Variants in ATG9A observed in about 807,000 individuals in gnomAD.
ATG9A encodes autophagy related 9A, also known as autophagy-related protein 9A.
In ATG9A, 21 loss-of-function variants were observed where a neutral mutation model predicts 87.1. The ratio of observed to expected loss-of-function variants is 0.24; its 90% CI spans 0.17 to 0.35. The LOEUF (loss-of-function observed/expected upper bound fraction) is 0.35. Ranked by LOEUF, ATG9A falls within the 10% of genes least tolerant of loss-of-function variation. ATG9A has a pLI of 1.00. For synonymous variants in ATG9A, 422 were observed against 441.3 expected, an observed-to-expected ratio of 0.96 and a Z score of 0.55; for missense variants, 836 against 1,107.3, an observed-to-expected ratio of 0.76 and a Z score of 3.48.
In ATG9A at chr2:219,224,731, G is replaced by A. The variant is rs1950826932; in HGVS notation, c.640C>T (p.Arg214Cys). ...TELDIYHRIL[R>C]FQNYMVALVN... Reference sequence around the variant, plus strand: ...AGTGCCACCATGTAGTTCTGGAAACGGAGGATGCGGTGGTAGATGTCCAGT... The same window carrying A: ...AGTGCCACCATGTAGTTCTGGAAACAGAGGATGCGGTGGTAGATGTCCAGT... Residue 214 changes from arginine (R) to cysteine (C), a missense_variant, in exon 8 of 16, where the codon CGT (arginine) becomes TGT (cysteine). Physicochemically the swap from Arg to Cys is radical, Grantham distance 180. This residue lies in a region of ATG9A where 512 missense variants were observed against 759.6 expected (regional missense o/e 0.67). Transcript: ENST00000361242. This position sits in a 1 kb window ranked among gnomAD's most constrained non-coding sequence, Gnocchi z 7.7. 4 of 1,614,136 alleles carry A rather than the reference G, an allele frequency of 2.5e-6. No individual in the cohort carries two copies. The highest frequency in any genetic ancestry group is 3.4e-6 in the Non-Finnish European group (4 of 1,180,054).
rs1376952111 is a variant in ATG9A at position 219,224,852 on chromosome 2, A to C, written c.519T>G (p.Ser173=). Residue 173 remains serine (S), a splice_region_variant and synonymous_variant, in exon 8 of 16, where the codon TCT becomes TCG. Transcript: ENST00000361242. This position sits in a 1 kb window ranked among gnomAD's most constrained non-coding sequence, Gnocchi z 7.7. ...CTTGCCACGTGCAATACGGAAGGGC[A>C]GACTGCGGGGTGGGGTGGGGAAGAG... The part of the protein sequence containing the change: ...FYLHALRIPM[S]ALPYCTWQEV... 6.4e-7 allele frequency: 1 copy of C among 1,552,854 alleles called. No homozygotes were observed. The highest frequency in any genetic ancestry group is 8.7e-7 in the Non-Finnish European group (1 of 1,147,280).
At chr2:219,228,133 G>T (rs1574835922) in intron 2 of ATG9A, 80 bp from the exon 3 acceptor site, 1 of 971,150 alleles carries the variant, frequency 1.0e-6, no homozygotes, top group Non-Finnish European at 1.5e-6. Context: ...GCCAAAAGGA[G>T]AAAGTACCCT....
At chr2:219,221,505 T>A (rs1950758449) in intron 13 of ATG9A, among the ~76,000 whole-genome samples, 1 of 152,146 alleles carries the variant, frequency 6.6e-6, no homozygotes, top group African/African-American at 2.4e-5. Flanking sequence ...GAAGCCTGTG[T>A]TGTAATGGCC....
Position 219,223,235 on chromosome 2 carries a change from C to T in ATG9A, c.1600-342G>A, listed in dbSNP as rs1950798939. On this transcript the variant is annotated intron_variant, in intron 10 of 15. Coordinates refer to ENST00000361242, the MANE Select transcript of ATG9A (RefSeq NM_001077198.3). The surrounding 1 kb of genome is among the most constrained non-coding windows in gnomAD (Gnocchi z 4.7). ...CCCGAGTAGCTGGGACTACAGGCGCCCGCTACCACGCCTGGCTAATTTTTT... is the reference window on the plus strand; with the variant it reads ...CCCGAGTAGCTGGGACTACAGGCGCTCGCTACCACGCCTGGCTAATTTTTT... Among the ~76,000 whole-genome samples the T allele has an allele frequency of 6.6e-6, 1 of 152,044 alleles. No homozygotes were observed. The highest frequency in any genetic ancestry group is 2.4e-5 in the African/African-American group (1 of 41,398).
At chr2:219,226,833 T>A in intron 5 of ATG9A, 36 bp downstream of exon 5, 1 of 1,577,814 alleles carries the variant, frequency 6.3e-7, no homozygotes, top group Non-Finnish European at 8.7e-7. Flanking sequence ...TAAGATGTAT[T>A]CTTTCACCAC....
chr2:219,228,239 G>A (rs1377807894), intron 2 of ATG9A, among the ~76,000 whole-genome samples, 186 bp from the exon 3 acceptor site: 1 of 152,184 alleles, frequency 6.6e-6, no homozygotes, highest in Non-Finnish European at 1.5e-5. Context: ...CCTTAACTCT[G>A]GCCAGTCTGG....
chr2:219,220,330 A>G lies in ATG9A; in HGVS notation c.*117T>C. The G allele has an allele frequency of 7.2e-7, 1 of 1,387,854 alleles. No homozygotes were observed. Among genetic ancestry groups the G allele is most frequent in the Non-Finnish European group, 1.0e-6 (1 of 997,360 alleles). The allele number at this position is 1,387,854 out of a possible 1,614,324, so 86.0% of individuals were successfully genotyped here. A position where few individuals can be genotyped will look rare whatever the true frequency, so the allele number is the denominator to read the frequency against. ...TCCCTTGGCCAGGCACAGACACACA[A>G]ACACCACACACGTGGGGCCAGGGAA... On this transcript the variant is annotated 3_prime_UTR_variant, in exon 16 of 16. Transcript: ENST00000361242.
rs55842930 is a variant in ATG9A, at chr2:219,225,425, T to C, written c.360A>G (p.Gln120=). Reference sequence around the variant, plus strand: ...GCAGCCCTTACCTGGCACTACAGACTTGAGCAGGCAAAAAGGCGTCTGGCA... The same window carrying C: ...GCAGCCCTTACCTGGCACTACAGACCTGAGCAGGCAAAAAGGCGTCTGGCA... ...VTLPDAFLPA[Q]VCSARIQENG... is the part of the protein sequence containing the mutation. Residue 120 remains glutamine, a synonymous_variant, in exon 6 of 16, where the codon CAA becomes CAG. Transcript: ENST00000361242. 0.018 allele frequency: 28,966 copies of C among 1,614,100 alleles called. 409 individuals are homozygous for C. The highest frequency in any genetic ancestry group is 0.052 in the South Asian group (4,760 of 91,080).
At chr2:219,227,073 T>A in intron 4 of ATG9A, 140 bp from the exon 5 acceptor site, 1 of 715,838 alleles carries the variant, frequency 1.4e-6, no homozygotes, top group Non-Finnish European at 2.5e-6. Flanking sequence ...CTGTCTAAAC[T>A]TTTGTCTGTC....
At position 219,221,120 on chromosome 2, in the gene ATG9A, G is replaced by A. The variant is rs1226468675; in HGVS notation, c.2328C>T (p.Ala776=). 1 of 1,612,902 alleles carries A rather than the reference G, an allele frequency of 6.2e-7. No individual in the cohort carries two copies. Among genetic ancestry groups the A allele is most frequent in the Non-Finnish European group, 8.5e-7 (1 of 1,179,528 alleles). Residue 776 remains alanine (A), a synonymous_variant, in exon 14 of 16, where the codon GCC becomes GCT. Coordinates refer to ENST00000361242, the MANE Select transcript of ATG9A (RefSeq NM_001077198.3). ...AGCGCCTCTGGAAGCCCCCATGCAG[G>A]GCAGTGGTCTCAGGAGCTCCAGGCC... is the stretch of plus-strand genomic sequence containing the variant. The part of the protein sequence containing the change: ...APRPGAPETT[A]LHGGFQRRYG...
chr2:219,227,619 C>T (rs970979931), intron 4 of ATG9A, 151 bp downstream of exon 4: 15 of 907,788 alleles, frequency 1.7e-5, no homozygotes, highest in Middle Eastern at 3.2e-4. Context: ...CATTACTTAA[C>T]GATGATTTCA....
Position 219,223,133 on chromosome 2 carries a change from G to A in ATG9A, c.1600-240C>T, listed in dbSNP as rs184802370. ...GATGGAGTCTCGCTCTGTCGCCCAG[G>A]CTGGATTGCAGTGGCGTGATCTCGG... On this transcript the variant is annotated intron_variant, in intron 10 of 15. Transcript: ENST00000361242. The surrounding 1 kb of genome is among the most constrained non-coding windows in gnomAD (Gnocchi z 4.7). Among the ~76,000 whole-genome samples the A allele has an allele frequency of 2.8e-3, 424 of 150,546 alleles. 4 individuals carry two copies. The highest frequency in any genetic ancestry group is 9.5e-3 in the African/African-American group (387 of 40,752).
rs1194693327 is a variant in ATG9A at position 219,224,070 on chromosome 2, C to G, written c.1265+36G>C. The G allele has an allele frequency of 1.2e-6, 2 of 1,606,528 alleles. No homozygotes were observed. The highest frequency in any genetic ancestry group is 1.7e-5 in the Admixed American group (1 of 59,692). On this transcript the variant is annotated intron_variant, in intron 8 of 15. Coordinates refer to ENST00000361242, the MANE Select transcript of ATG9A (RefSeq NM_001077198.3). The surrounding 1 kb of genome is among the most constrained non-coding windows in gnomAD (Gnocchi z 7.7). ...GAGATGTATGCCTTTCCCAGGAATG[C>G]TAGCCGGCTTGCTCCCGCCTGTGGC...
In ATG9A at chr2:219,224,489, G is replaced by C. The variant is rs947564468; in HGVS notation, c.882C>G (p.Gly294=). The C allele has an allele frequency of 6.2e-6, 10 of 1,614,088 alleles. No homozygotes were observed. Among genetic ancestry groups the C allele is most frequent in the Non-Finnish European group, 8.5e-6 (10 of 1,179,972 alleles). ...GGGGGCACAGCAGGAAGTTAGCGAT[G>C]CCAATCCACAGGATGCGGTTGCTGA... The part of the protein sequence containing the change: ...QRLSNRILWI[G]IANFLLCPLI... The change falls in exon 8 of 16, where the codon GGC becomes GGG. Residue 294 remains glycine, a synonymous_variant. Transcript: ENST00000361242. This position sits in a 1 kb window ranked among gnomAD's most constrained non-coding sequence, Gnocchi z 7.7.
At chr2:219,226,326 C>A (rs1271023853) in intron 5 of ATG9A, among the ~76,000 whole-genome samples, 2 of 152,188 alleles carry the variant, frequency 1.3e-5, no homozygotes, top group Non-Finnish European at 2.9e-5. Flanking sequence ...CAGGTGTGAG[C>A]TGCCGTGCCC....
At chr2:219,220,686 T>C in intron 15 of ATG9A, 61 bp downstream of exon 15, 2 of 1,590,286 alleles carry the variant, frequency 1.3e-6, no homozygotes, top group Non-Finnish European at 1.7e-6. Flanking sequence ...CCTGAAAAGC[T>C]GTTACCTCAC....
rs1478643067 is a variant in ATG9A at position 219,229,463 on chromosome 2, G to C, written c.-82+72C>G. Reference sequence around the variant, plus strand: ...CCGTTACCCGCCGCGAGCTCACTTAGGGCTCCGCAGGCACCCCTGGGCAAG... The same window carrying C: ...CCGTTACCCGCCGCGAGCTCACTTACGGCTCCGCAGGCACCCCTGGGCAAG... On this transcript the variant is annotated intron_variant, in intron 1 of 15. Coordinates refer to ENST00000361242, the MANE Select transcript of ATG9A (RefSeq NM_001077198.3). This position sits in a 1 kb window ranked among gnomAD's most constrained non-coding sequence, Gnocchi z 4.2. 1 of 152,508 alleles carries C rather than the reference G, an allele frequency of 6.6e-6. No homozygotes were observed. Among genetic ancestry groups the C allele is most frequent in the Admixed American group, 6.5e-5 (1 of 15,282 alleles). 9.4% of individuals were successfully genotyped at this position (152,508 alleles called of 1,614,324 possible).
chr2:219,224,775 T>C lies in ATG9A; in HGVS notation c.596A>G (p.His199Arg). The C allele has an allele frequency of 6.2e-7, 1 of 1,614,166 alleles. No individual in the cohort carries two copies. Among genetic ancestry groups the C allele is most frequent in the Non-Finnish European group, 8.5e-7 (1 of 1,180,040 alleles). Residue 199 changes from histidine to arginine, a missense_variant, in exon 8 of 16, where the codon CAC becomes CGC. By Grantham distance (29) the His-to-Arg change is conservative (BLOSUM62 0). This residue lies in a region of ATG9A where 512 missense variants were observed against 759.6 expected (regional missense o/e 0.67). Transcript: ENST00000361242. This position sits in a 1 kb window ranked among gnomAD's most constrained non-coding sequence, Gnocchi z 7.7. ...QTQKEHQICIHKRELTELDIY... is the reference protein window; with the variant it reads ...QTQKEHQICIRKRELTELDIY... ...GTCCAGTTCTGTCAGCTCACGTTTG[T>C]GGATGCAGATCTGGTGCTCCTTCTG...
At chr2:219,225,255 AG>A in intron 6 of ATG9A, 43 bp from the exon 7 acceptor site, 1 of 1,612,966 alleles carries the variant, frequency 6.2e-7, no homozygotes, top group Non-Finnish European at 8.5e-7. Flanking sequence ...CCCTCGAGGA[AG>A]GAGTCTTGGC....
Sources: allele counts gnomAD v4.1 joint callset (sites outside exome capture counted in the v4.1 genomes callset), GRCh38; gene constraint gnomAD v4.1.1; regional missense constraint gnomAD v4.1.1; non-coding constraint Gnocchi (gnomAD v3.1); transcripts MANE v1.5; gene names NCBI Gene and HGNC (gene_info 2026-07-23, HGNC 2026-07-21).